COL1A1: variants seen among roughly 807,000 people sequenced by gnomAD.
COL1A1 encodes collagen alpha-1(I) chain.
Under a neutral mutation model 195.7 loss-of-function variants are expected in COL1A1, and 21 were observed. The ratio of observed to expected loss-of-function variants is 0.11; its 90% CI spans 0.08 to 0.15. The LOEUF (loss-of-function observed/expected upper bound fraction) is 0.15, where lower values mean the gene tolerates loss of function less well. Among genes scored for constraint, COL1A1 ranks in the 10% least tolerant of loss-of-function variants. COL1A1 has a pLI of 1.00. For synonymous variants in COL1A1, 749 were observed against 747.3 expected (o/e 1.00, Z -0.04); for missense variants, 1,365 against 2,051.0 (o/e 0.67, Z 6.46).
Position 50,195,137 on chromosome 17 carries a change from G to A in COL1A1, c.1300-37C>T, listed in dbSNP as rs770457399. The A allele has an allele frequency of 4.3e-6, 7 of 1,610,480 alleles. No homozygotes were observed. The highest frequency in any genetic ancestry group is 5.9e-6 in the Non-Finnish European group (7 of 1,177,152). Reference sequence around the variant, plus strand: ...GAGAAGAGGATGAGCTGAGAGTCGGGGGCGCTCAGTTGGCCTGCGTCTTCC... The same window carrying A: ...GAGAAGAGGATGAGCTGAGAGTCGGAGGCGCTCAGTTGGCCTGCGTCTTCC... On this transcript the variant is annotated intron_variant, in intron 19 of 50. Coordinates refer to ENST00000225964, the MANE Select transcript of COL1A1 (RefSeq NM_000088.4). The surrounding 1 kb of genome is among the most constrained non-coding windows in gnomAD (Gnocchi z 4.3).
At chr17:50,196,774 T>A in intron 11 of COL1A1, 104 bp from the exon 12 acceptor site, 1 of 1,330,690 alleles carries the variant, frequency 7.5e-7, no homozygotes, top group Non-Finnish European at 1.1e-6. Flanking sequence ...ATCACCGCCA[T>A]CCCTTTGTTT....
At position 50,186,096 on chromosome 17, in the gene COL1A1, G is replaced by A. The variant is rs1906497356; in HGVS notation, c.4006-76C>T. 4.4e-6 allele frequency: 7 copies of A among 1,593,858 alleles called. No homozygotes were observed. Among genetic ancestry groups the A allele is most frequent in the Non-Finnish European group, 6.0e-6 (7 of 1,175,412 alleles). On this transcript the variant is annotated intron_variant, in intron 49 of 50. Coordinates refer to ENST00000225964, the MANE Select transcript of COL1A1 (RefSeq NM_000088.4). The surrounding 1 kb of genome is among the most constrained non-coding windows in gnomAD (Gnocchi z 5.3). ...AGTCCTGCCTGGCCTCCCTGTCCAG[G>A]GTCCTCAGAGAGCTGCCCAATGCAC...
At position 50,188,340 on chromosome 17, in the gene COL1A1, G is replaced by T. The variant is rs1906738700; in HGVS notation, c.3207+190C>A. The T allele has an allele frequency of 3.7e-6, 3 of 811,450 alleles. No individual in the cohort carries two copies. The highest frequency in any genetic ancestry group is 2.7e-5 in the Admixed American group (1 of 37,688). 50.3% of individuals were successfully genotyped at this position (811,450 alleles called of 1,614,324 possible). A position where few individuals can be genotyped will look rare whatever the true frequency, so the allele number is the denominator to read the frequency against. ...CTGGGGCCAACTCATGGGAGAGGCG[G>T]TCCTGTCTGGGAGAGGGGACTTGGG... On this transcript the variant is annotated intron_variant, in intron 43 of 50. Transcript: ENST00000225964. This position sits in a 1 kb window ranked among gnomAD's most constrained non-coding sequence, Gnocchi z 5.6.
At chr17:50,196,879 T>C (rs553267263) in intron 11 of COL1A1, 131 bp downstream of exon 11, 1 of 1,181,496 alleles carries the variant, frequency 8.5e-7, no homozygotes, top group East Asian at 2.4e-5. Context: ...GGATGTCCAC[T>C]CTCTGTCCCT....
rs374592894 is a variant in COL1A1, at chr17:50,189,635, A to G, written c.2667+44T>C. 2 of 1,612,844 alleles carry G rather than the reference A, an allele frequency of 1.2e-6. No homozygotes were observed. Among genetic ancestry groups the G allele is most frequent in the Non-Finnish European group, 1.7e-6 (2 of 1,179,504 alleles). ...ACCATCCTTCTGGCAGCCCCCACCC[A>G]GCACCCCCAACCTAGAGCAGTGGAC... On this transcript the variant is annotated intron_variant, in intron 38 of 50. Coordinates refer to ENST00000225964, the MANE Select transcript of COL1A1 (RefSeq NM_000088.4). The surrounding 1 kb of genome is among the most constrained non-coding windows in gnomAD (Gnocchi z 5.5).
At chr17:50,200,339 G>A (rs2144596249) in intron 1 of COL1A1, 1 of 357,266 alleles carries the variant, frequency 2.8e-6, no homozygotes, top group Non-Finnish European at 5.4e-6. Context: ...GGTAGAGACA[G>A]GAGGAGGGCG....
Position 50,185,407 on chromosome 17 carries a change from G to A in COL1A1, c.*95C>T. ...ATGTGAAATTGTCTCCCATTTTTTG[G>A]CTTTTGAGGGGGTTCAGTTTGGGTT... On this transcript the variant is annotated 3_prime_UTR_variant, in exon 51 of 51. Coordinates refer to ENST00000225964, the MANE Select transcript of COL1A1 (RefSeq NM_000088.4). 7.1e-7 allele frequency: 1 copy of A among 1,412,324 alleles called. No homozygotes were observed. Among genetic ancestry groups the A allele is most frequent in the Non-Finnish European group, 1.0e-6 (1 of 1,004,982 alleles). The allele number at this position is 1,412,324 out of a possible 1,614,324, so 87.5% of individuals were successfully genotyped here.
In COL1A1 at chr17:50,190,634, C is replaced by G; in HGVS notation, c.2344-38G>C. The stretch of plus-strand genomic sequence containing the variant: ...GACAAGAGGCTCAGGGTCAGGGCCT[C>G]CCCTGAATACTCCTAGTAGATGACC... On this transcript the variant is annotated intron_variant, in intron 33 of 50. Transcript: ENST00000225964. The surrounding 1 kb of genome is among the most constrained non-coding windows in gnomAD (Gnocchi z 4.7). The G allele has an allele frequency of 6.2e-7, 1 of 1,605,456 alleles. No homozygotes were observed. The highest frequency in any genetic ancestry group is 8.5e-7 in the Non-Finnish European group (1 of 1,173,358).
chr17:50,201,413 T>A lies in COL1A1; in HGVS notation c.101A>T (p.Asp34Val), dbSNP rs1287910094. Reference protein sequence around the residue: ...EEGQVEGQDEDIPPITCVQNG... With the variant: ...EEGQVEGQDEVIPPITCVQNG... ...ACTCCCAAAAGTTTGGGACTTACTGTCTTCGTCTTGGCCCTCGACTTGGCC... is the reference window on the plus strand; with the variant it reads ...ACTCCCAAAAGTTTGGGACTTACTGACTTCGTCTTGGCCCTCGACTTGGCC... Residue 34 changes from aspartate to valine, a missense_variant and splice_region_variant, in exon 1 of 51, where the codon GAC becomes GTC. Around this residue, in one of 5 missense-constraint regions of COL1A1, gnomAD observed 194 missense variants for 221.7 expected, o/e 0.88. Transcript: ENST00000225964. The A allele has an allele frequency of 6.2e-7, 1 of 1,613,692 alleles. No homozygotes were observed. Among genetic ancestry groups the A allele is most frequent in the Non-Finnish European group, 8.5e-7 (1 of 1,180,018 alleles).
Position 50,201,612 on chromosome 17 carries a change from G to C in COL1A1, c.-99C>G. The C allele has an allele frequency of 9.6e-7, 1 of 1,042,546 alleles. No homozygotes were observed. The highest frequency in any genetic ancestry group is 1.4e-6 in the Non-Finnish European group (1 of 724,952). The allele number at this position is 1,042,546 out of a possible 1,614,324, so 64.6% of individuals were successfully genotyped here. On this transcript the variant is annotated 5_prime_UTR_variant, in exon 1 of 51. Transcript: ENST00000225964. ...TCCGCGTGCCTCCTGCTCCGACCCCGAGGAGAAACTCCCGTCTGCTCCGAC... is the reference window on the plus strand; with the variant it reads ...TCCGCGTGCCTCCTGCTCCGACCCCCAGGAGAAACTCCCGTCTGCTCCGAC...
chr17:50,187,814 G>A lies in COL1A1; in HGVS notation c.3369+62C>T, dbSNP rs41316711. 20,387 of 1,433,514 alleles carry A rather than the reference G, an allele frequency of 0.014. 189 individuals are homozygous for A. The highest frequency in any genetic ancestry group is 0.017 in the Non-Finnish European group (17,531 of 1,048,810). The allele number at this position is 1,433,514 out of a possible 1,614,324, so 88.8% of individuals were successfully genotyped here. A position where few individuals can be genotyped will look rare whatever the true frequency, so the allele number is the denominator to read the frequency against. ...ACTATCCAGAGGGGGAAACTGAGGC[G>A]AAGCTCCCCCTCCTATCCCACAGCA... On this transcript the variant is annotated intron_variant, in intron 45 of 50. Transcript: ENST00000225964.
At chr17:50,200,014 C>A (rs746376461) in intron 1 of COL1A1, 67 bp from the exon 2 acceptor site, 1 of 1,538,932 alleles carries the variant, frequency 6.5e-7, no homozygotes, top group South Asian at 1.1e-5. Context: ...ACCTTTCCCC[C>A]GGGTCTAAGA....
At chr17:50,196,816 A>G (rs1027775117) in intron 11 of COL1A1, 146 bp from the exon 12 acceptor site, 1 of 1,144,130 alleles carries the variant, frequency 8.7e-7, no homozygotes, top group African/African-American at 1.5e-5. Flanking sequence ...CTGGCTCTAG[A>G]TCTCACCCAA....
At position 50,195,971 on chromosome 17, in the gene COL1A1, G is replaced by A. The variant is rs200750214; in HGVS notation, c.1008C>T (p.Pro336=). 3.1e-6 allele frequency: 5 copies of A among 1,595,090 alleles called. No homozygotes were observed. Among genetic ancestry groups the A allele is most frequent in the African/African-American group, 1.3e-5 (1 of 74,692 alleles). The change falls in exon 16 of 51, where the codon CCC becomes CCT. Residue 336 remains proline, a synonymous_variant. Transcript: ENST00000225964. The surrounding 1 kb of genome is among the most constrained non-coding windows in gnomAD (Gnocchi z 4.3). ...GATGAAGPPG[P]TGPAGPPGFP... ...AGCCAGGAGGACCAGCGGGGCCGGT[G>A]GGACCCTGTGAATGAAATGGAGATG...
intron 5 of COL1A1, 54 bp downstream of exon 5, chr17:50,199,172 C>A: frequency 7.0e-7 from 1 of 1,426,634 alleles, no homozygotes; most frequent in South Asian, 1.6e-5. Context: ...TGTCATCTGC[C>A]AAAAAACAAA....
At position 50,194,301 on chromosome 17, in the gene COL1A1, G is replaced by A. The variant is rs371961558; in HGVS notation, c.1614+48C>T. On this transcript the variant is annotated intron_variant, in intron 23 of 50. Transcript: ENST00000225964. The surrounding 1 kb of genome is among the most constrained non-coding windows in gnomAD (Gnocchi z 6.8). ...GAACGCCTCATCCCAGACCCTACAC[G>A]GGATGGTCAGGGCCTGGCCAAGCCA... 279 of 1,605,520 alleles carry A rather than the reference G, an allele frequency of 1.7e-4. No individual in the cohort carries two copies. Among genetic ancestry groups the A allele is most frequent in the South Asian group, 4.1e-4 (37 of 90,906 alleles).
Position 50,190,826 on chromosome 17 carries a change from A to C in COL1A1, c.2334T>G (p.Pro778=), listed in dbSNP as rs1436197254. 27 of 1,613,622 alleles carry C rather than the reference A, an allele frequency of 1.7e-5. No individual in the cohort carries two copies. Among genetic ancestry groups the C allele is most frequent in the Non-Finnish European group, 2.3e-5 (27 of 1,179,630 alleles). The change falls in exon 33 of 51, where the codon CCT becomes CCG. Residue 778 remains proline (P), a synonymous_variant. Transcript: ENST00000225964. This position sits in a 1 kb window ranked among gnomAD's most constrained non-coding sequence, Gnocchi z 4.7. The stretch of plus-strand genomic sequence containing the variant: ...GAGGCGGCCACCTCACCTTGTCACC[A>C]GGGGCACCAGCAGGGCCAGGAGGAC... ...PIGPPGPAGA[P]GDKGESGPSG...
At position 50,186,673 on chromosome 17, in the gene COL1A1, C is replaced by A; in HGVS notation, c.3781G>T (p.Asp1261Tyr). ...CAGTCAGAGTGGCACATCTTGAGGT[C>A]ACGGCAGGTGCGGGCGGGGTTCTTG... The part of the protein sequence containing the change: ...SRKNPARTCR[D>Y]LKMCHSDWKS... The change falls in exon 48 of 51, where the codon GAC becomes TAC. Residue 1261 changes from aspartate (D) to tyrosine (Y), a missense_variant. Physicochemically the swap from Asp to Tyr is radical, Grantham distance 160. Transcript: ENST00000225964. The surrounding 1 kb of genome is among the most constrained non-coding windows in gnomAD (Gnocchi z 5.3). 2 of 1,613,752 alleles carry A rather than the reference C, an allele frequency of 1.2e-6. No individual in the cohort carries two copies. Among genetic ancestry groups the A allele is most frequent in the Non-Finnish European group, 1.7e-6 (2 of 1,180,036 alleles).
chr17:50,198,801 C>T lies in COL1A1; in HGVS notation c.472-297G>A, dbSNP rs2586497. 366,070 of 474,230 alleles carry T rather than the reference C, an allele frequency of 0.77. 145,206 individuals carry two copies. Among genetic ancestry groups the T allele is most frequent in the East Asian group, 0.99 (24,351 of 24,532 alleles). 29.4% of individuals were successfully genotyped at this position (474,230 alleles called of 1,614,324 possible). ...GGAAACTAGAGACATGATGATTAAACGCAATACATAATCCTGGACTGGATC... is the reference window on the plus strand; with the variant it reads ...GGAAACTAGAGACATGATGATTAAATGCAATACATAATCCTGGACTGGATC... On this transcript the variant is annotated intron_variant, in intron 5 of 50. Coordinates refer to ENST00000225964, the MANE Select transcript of COL1A1 (RefSeq NM_000088.4).
Sources: allele counts gnomAD v4.1 joint callset, GRCh38; gene constraint gnomAD v4.1.1; regional missense constraint gnomAD v4.1.1; non-coding constraint Gnocchi (gnomAD v3.1); transcripts MANE v1.5; gene names NCBI Gene and HGNC (gene_info 2026-07-23, HGNC 2026-07-21).